PEX7: variants seen among roughly 807,000 people sequenced by gnomAD.
PEX7 encodes PTS2 receptor.
In PEX7, 34 loss-of-function variants were observed where a neutral mutation model predicts 47.5. The ratio of observed to expected loss-of-function variants is 0.72; its 90% CI spans 0.54 to 0.95. PEX7 has a LOEUF of 0.95. Ranked by LOEUF, PEX7 falls within the 40% of genes least tolerant of loss-of-function variation. PEX7 has a pLI of 0.00. For synonymous variants in PEX7, 141 were observed against 148.8 expected (o/e 0.95, Z 0.38); for missense variants, 394 against 400.3 (o/e 0.98, Z 0.13).
chr6:136,864,450 G>A (rs1775023066), intron 5 of PEX7, among the ~76,000 whole-genome samples: 1 of 152,102 alleles, frequency 6.6e-6, no homozygotes, highest in South Asian at 2.1e-4. Flanking sequence ...GAAGATCAGC[G>A]AAATAACTTG....
intron 7 of PEX7, among the ~76,000 whole-genome samples, chr6:136,871,822 A>G (rs1198245386): frequency 1.3e-5 from 2 of 152,102 alleles, no homozygotes; most frequent in African/African-American, 2.4e-5. Flanking sequence ...GAGCCTCCCA[A>G]GGTGCTGGGA....
chr6:136,864,908 C>T (rs1174632198), intron 5 of PEX7, among the ~76,000 whole-genome samples: 1 of 152,138 alleles, frequency 6.6e-6, no homozygotes, highest in African/African-American at 2.4e-5. Context: ...CAAGTCCCCA[C>T]CTGCTATCAT....
chr6:136,883,523 C>T (rs1285694924), intron 8 of PEX7, among the ~76,000 whole-genome samples: 1 of 152,122 alleles, frequency 6.6e-6, no homozygotes, highest in Non-Finnish European at 1.5e-5. Context: ...ATTTGTTTTT[C>T]TTACTCTCCT....
At chr6:136,872,171 G>GT (rs373023744) in intron 7 of PEX7, 27 bp from the exon 8 acceptor site, 11,430 of 1,324,968 alleles carry the variant, frequency 8.6e-3, no homozygotes, top group Non-Finnish European at 9.5e-3. Flanking sequence ...TTCAAAAAGG[G>GT]TTTTTTTTTT....
intron 5 of PEX7, among the ~76,000 whole-genome samples, chr6:136,859,040 C>T (rs1306081711): frequency 1.3e-5 from 2 of 152,176 alleles, no homozygotes; most frequent in Non-Finnish European, 2.9e-5. Flanking sequence ...TCCTGTTGCA[C>T]ACATGTAGTT....
intron 5 of PEX7, among the ~76,000 whole-genome samples, chr6:136,863,819 G>A (rs761224286): frequency 1.3e-5 from 2 of 152,154 alleles, no homozygotes; most frequent in African/African-American, 2.4e-5. Flanking sequence ...TGAGATGGGA[G>A]GATTGCTTGA....
At chr6:136,824,555 TA>T (rs200241027) in intron 1 of PEX7, among the ~76,000 whole-genome samples, 154 of 149,118 alleles carry the variant, frequency 1.0e-3, no homozygotes, top group African/African-American at 3.4e-3. Context: ...AATTGGTATT[TA>T]AAAAAAAAAA....
chr6:136,907,452 T>C (rs971613937), intron 9 of PEX7, among the ~76,000 whole-genome samples: 1 of 152,078 alleles, frequency 6.6e-6, no homozygotes. Context: ...GTATAATGTC[T>C]TGGCTGCTTT....
chr6:136,868,336 TG>T (rs1775111789), intron 6 of PEX7, among the ~76,000 whole-genome samples: 2 of 152,186 alleles, frequency 1.3e-5, no homozygotes, highest in Admixed American at 6.5e-5. Flanking sequence ...ATAGGTAAAA[TG>T]TATGCTTTGT....
At chr6:136,904,626 C>T (rs962359960) in intron 9 of PEX7, among the ~76,000 whole-genome samples, 5 of 149,740 alleles carry the variant, frequency 3.3e-5, no homozygotes, top group Non-Finnish European at 4.4e-5. Flanking sequence ...AGTTTCCCTG[C>T]ACAAGCTTTT....
chr6:136,863,511 C>A (rs1447071315), intron 5 of PEX7, among the ~76,000 whole-genome samples: 1 of 152,012 alleles, frequency 6.6e-6, no homozygotes, highest in African/African-American at 2.4e-5. Context: ...AAAATGCAAA[C>A]TAAAGGGCTG....
At chr6:136,895,778 A>G (rs80330317) in intron 8 of PEX7, among the ~76,000 whole-genome samples, 1 of 152,326 alleles carries the variant, frequency 6.6e-6, no homozygotes, top group East Asian at 1.9e-4. Flanking sequence ...TGGTATAATG[A>G]AGTGTCTTTA....
At chr6:136,837,318 C>T (rs1298845190) in intron 3 of PEX7, among the ~76,000 whole-genome samples, 2 of 126,666 alleles carry the variant, frequency 1.6e-5, no homozygotes, top group Non-Finnish European at 3.2e-5. Context: ...GCCAAGATCG[C>T]GCCACTGCAC....
chr6:136,893,151 G>A lies in PEX7; in HGVS notation c.804-4991G>A, dbSNP rs147096981. Among the ~76,000 whole-genome samples the A allele has an allele frequency of 1.3e-3, 191 of 152,228 alleles. 1 individual carries two copies. Among genetic ancestry groups the A allele is most frequent in the East Asian group, 5.2e-3 (27 of 5,184 alleles). ...AAAATGTTTTAAAATAAGGCAAACTGACCACACAAATTTAAGTTGCTGCTT... is the reference window on the plus strand; with the variant it reads ...AAAATGTTTTAAAATAAGGCAAACTAACCACACAAATTTAAGTTGCTGCTT... On this transcript the variant is annotated intron_variant, in intron 8 of 9. Transcript: ENST00000318471.
intron 5 of PEX7, among the ~76,000 whole-genome samples, chr6:136,846,430 GTGTGC>G (rs1158722427): frequency 6.6e-6 from 1 of 151,946 alleles, no homozygotes; most frequent in African/African-American, 2.4e-5. Flanking sequence ...TGCCATGTTG[GTGTGC>G]TGCACCCATT....
chr6:136,882,051 G>A (rs1334295906), intron 8 of PEX7, among the ~76,000 whole-genome samples: 1 of 152,040 alleles, frequency 6.6e-6, no homozygotes, highest in Non-Finnish European at 1.5e-5. Context: ...TTTTATTAAT[G>A]TGTAATATGG....
At chr6:136,829,088 C>CA (rs1328845918) in intron 3 of PEX7, among the ~76,000 whole-genome samples, 4 of 152,170 alleles carry the variant, frequency 2.6e-5, no homozygotes, top group Non-Finnish European at 4.4e-5. Context: ...CTTCAACAGT[C>CA]AGAGTTTACT....
intron 9 of PEX7, among the ~76,000 whole-genome samples, chr6:136,906,694 C>T (rs1282889808): frequency 5.3e-5 from 8 of 152,152 alleles, no homozygotes; most frequent in Non-Finnish European, 1.0e-4. Context: ...ATTTGTCATC[C>T]AATGCAGATG....
chr6:136,868,947 A>C (rs990376768), intron 6 of PEX7, among the ~76,000 whole-genome samples: 1 of 152,206 alleles, frequency 6.6e-6, no homozygotes, highest in Admixed American at 6.5e-5. Context: ...ATTTTGGTCC[A>C]AGAGAGTTGG....
Sources: gnomAD v4.1 joint callset for allele counts (sites outside exome capture counted in the v4.1 genomes callset) on GRCh38, gnomAD v4.1.1 for gene constraint, MANE v1.5 for transcripts, NCBI Gene and HGNC (gene_info 2026-07-23, HGNC 2026-07-21) for gene names.